EPRS1: variants seen among roughly 807,000 people sequenced by gnomAD.
EPRS1 encodes glutamyl-prolyl-tRNA synthetase 1.
EPRS1 carries 107 observed loss-of-function variants against 188.3 expected under a neutral mutation model. That is an observed-to-expected ratio of 0.57 (90% confidence interval 0.49 to 0.67). The LOEUF (loss-of-function observed/expected upper bound fraction) is 0.67, where lower values mean the gene tolerates loss of function less well. EPRS1 is among the 30% of genes least tolerant of loss of function. The pLI is 0.00. For synonymous variants in EPRS1, 596 were observed against 593.1 expected (o/e 1.00, Z -0.07); for missense variants, 1,577 against 1,802.2 (o/e 0.88, Z 2.26).
chr1:219,973,575 T>G (rs1281999281), intron 28 of EPRS1, among the ~76,000 whole-genome samples, 177 bp from the exon 29 acceptor site: 1 of 149,044 alleles, frequency 6.7e-6, no homozygotes. Context: ...TGTAGAAACC[T>G]ATTCCAGTAA....
Position 219,983,411 on chromosome 1 carries a change from A to T in EPRS1, c.3091-13T>A, listed in dbSNP as rs1421499514. ...ACTTTGTGATGACCTTTTTAAAAGA[A>T]AAATAGTCTTTAAAGCTTACATTGA... On this transcript the variant is annotated splice_polypyrimidine_tract_variant and intron_variant, in intron 21 of 31. Transcript: ENST00000366923. 2 of 1,592,228 alleles carry T rather than the reference A, an allele frequency of 1.3e-6. No homozygotes were observed. The highest frequency in any genetic ancestry group is 8.6e-7 in the Non-Finnish European group (1 of 1,164,640).
intron 2 of EPRS1, among the ~76,000 whole-genome samples, chr1:220,035,585 T>G (rs891872055): frequency 9.9e-5 from 15 of 152,220 alleles, no homozygotes; most frequent in African/African-American, 3.6e-4. Context: ...TCCCAGTACT[T>G]TGGGAGGCCA....
At chr1:220,012,824 A>G (rs10746395) in intron 12 of EPRS1, among the ~76,000 whole-genome samples, 16,483 of 30,266 alleles carry the variant, frequency 0.54, 4,417 homozygotes, top group East Asian at 0.82. Flanking sequence ...GCACTAAGTG[A>G]AGGGGGAAGG....
At chr1:220,028,642 GA>G (rs763173123) in intron 6 of EPRS1, among the ~76,000 whole-genome samples, 1 of 152,126 alleles carries the variant, frequency 6.6e-6, no homozygotes, top group Non-Finnish European at 1.5e-5. Context: ...ATCTGTTTCC[GA>G]AACCATTTGT....
intron 13 of EPRS1, among the ~76,000 whole-genome samples, chr1:220,009,084 T>C (rs756817395): frequency 2.0e-5 from 3 of 152,274 alleles, no homozygotes; most frequent in East Asian, 1.9e-4. Flanking sequence ...TTCAGATTTA[T>C]ACTAACTGTA....
intron 13 of EPRS1, among the ~76,000 whole-genome samples, chr1:220,008,178 G>A (rs1661532344): frequency 1.3e-5 from 2 of 150,392 alleles, no homozygotes; most frequent in Admixed American, 1.3e-4. Flanking sequence ...GAGAAAATAA[G>A]TCATTCTTGA....
At position 219,997,300 on chromosome 1, in the gene EPRS1, T is replaced by A; in HGVS notation, c.2224A>T (p.Asn742Tyr). 1 of 1,612,162 alleles carries A rather than the reference T, an allele frequency of 6.2e-7. No homozygotes were observed. ...GAATCCTCAGATGTAGTACAATTAT[T>A]ATTCAGAGAAGGTGTTGGTCTTTCC... ...FKERPTPSLN[N>Y]NCTTSEDSLV... The change falls in exon 18 of 32, where the codon AAT (asparagine) becomes TAT (tyrosine). Residue 742 changes from asparagine (N) to tyrosine (Y), a missense_variant. Coordinates refer to ENST00000366923, the MANE Select transcript of EPRS1 (RefSeq NM_004446.3).
rs1012991181 is a variant in EPRS1 at position 220,019,029 on chromosome 1, G to A, written c.1400C>T (p.Thr467Ile). 6.2e-7 allele frequency: 1 copy of A among 1,613,278 alleles called. No individual in the cohort carries two copies. ...AATAAACTGTTTCAGTCCTTCAACT[G>A]TCATCCCTCTTCTCAGTACACCACG... ...TVRGVLRRGM[T>I]VEGLKQFIAA... Residue 467 changes from threonine to isoleucine, a missense_variant, in exon 11 of 32, where the codon ACA becomes ATA. Transcript: ENST00000366923.
intron 9 of EPRS1, 125 bp downstream of exon 9, chr1:220,022,222 G>T: frequency 1.3e-6 from 1 of 775,444 alleles, no homozygotes. Flanking sequence ...AAGGCCACCA[G>T]CCAGTGAACC....
intron 1 of EPRS1, among the ~76,000 whole-genome samples, chr1:220,045,633 CAG>C (rs1558065222): frequency 1.3e-5 from 2 of 152,134 alleles, no homozygotes; most frequent in Non-Finnish European, 2.9e-5. Context: ...TAATTCCAAA[CAG>C]AACTTAAGAT....
chr1:220,022,815 C>T (rs1054226523), intron 8 of EPRS1, among the ~76,000 whole-genome samples: 11 of 152,222 alleles, frequency 7.2e-5, no homozygotes, highest in Admixed American at 1.3e-4. Flanking sequence ...CTGAAGGCTC[C>T]GCTCACCTAG....
Position 220,019,026 on chromosome 1 carries a change from A to G in EPRS1, c.1403T>C (p.Val468Ala). 1.2e-6 allele frequency: 2 copies of G among 1,613,488 alleles called. No homozygotes were observed. Among genetic ancestry groups the G allele is most frequent in the South Asian group, 1.1e-5 (1 of 91,062 alleles). Residue 468 changes from valine (V) to alanine (A), a missense_variant, in exon 11 of 32, where the codon GTT becomes GCT. By Grantham distance (64) the Val-to-Ala change is moderately conservative. Transcript: ENST00000366923. ...VRGVLRRGMT[V>A]EGLKQFIAAQ... is the part of the protein sequence containing the mutation. ...AGCAATAAACTGTTTCAGTCCTTCA[A>G]CTGTCATCCCTCTTCTCAGTACACC...
At chr1:219,973,206 A>G (rs1344837490) in intron 29 of EPRS1, 32 bp downstream of exon 29, 1 of 1,592,662 alleles carries the variant, frequency 6.3e-7, no homozygotes, top group East Asian at 2.2e-5. Flanking sequence ...GAAGATCTGG[A>G]GAGAGAGACA....
intron 12 of EPRS1, among the ~76,000 whole-genome samples, chr1:220,014,797 T>TC (rs1317292383): frequency 7.3e-5 from 11 of 151,492 alleles, no homozygotes; most frequent in African/African-American, 9.7e-5. Context: ...ACTCTTTATT[T>TC]CCCCACATTA....
At chr1:220,011,974 T>A (rs1225735072) in intron 12 of EPRS1, among the ~76,000 whole-genome samples, 1 of 143,572 alleles carries the variant, frequency 7.0e-6, no homozygotes, top group Non-Finnish European at 1.5e-5. Context: ...AAATTTGTTT[T>A]TATTTTTCCA....
chr1:220,024,914 C>T, intron 7 of EPRS1: 1 of 485,362 alleles, frequency 2.1e-6, no homozygotes, highest in Non-Finnish European at 3.7e-6. Flanking sequence ...ACATATCATT[C>T]AGGTAAACTC....
chr1:219,998,832 C>T (rs1661286528), intron 17 of EPRS1, among the ~76,000 whole-genome samples: 1 of 151,266 alleles, frequency 6.6e-6, no homozygotes, highest in Non-Finnish European at 1.5e-5. Flanking sequence ...TAAGCCACTG[C>T]GCCTGGCCTG....
At chr1:220,015,933 A>G (rs576839639) in intron 12 of EPRS1, among the ~76,000 whole-genome samples, 4 of 152,304 alleles carry the variant, frequency 2.6e-5, no homozygotes, top group South Asian at 2.1e-4. Flanking sequence ...TGGGCCATGA[A>G]TCCAAATCAG....
At chr1:219,975,629 G>T (rs1411656187) in intron 28 of EPRS1, among the ~76,000 whole-genome samples, 1 of 152,054 alleles carries the variant, frequency 6.6e-6, no homozygotes, top group East Asian at 1.9e-4. Flanking sequence ...CAGAGACAGG[G>T]TTTCACCATG....
Sources: gnomAD v4.1 joint callset for allele counts (sites outside exome capture counted in the v4.1 genomes callset) on GRCh38, gnomAD v4.1.1 for gene constraint, MANE v1.5 for transcripts, NCBI Gene and HGNC (gene_info 2026-07-23, HGNC 2026-07-21) for gene names.